The following CSNK1D variants were observed in gnomAD, a reference collection of about 807,000 sequenced individuals.
CSNK1D encodes casein kinase 1 delta.
Under a neutral mutation model 46.6 loss-of-function variants are expected in CSNK1D, and 16 were observed. The ratio of observed to expected loss-of-function variants is 0.34; its 90% CI spans 0.23 to 0.52. The LOEUF (loss-of-function observed/expected upper bound fraction) is 0.52, where lower values mean the gene tolerates loss of function less well. CSNK1D is among the 20% of genes least tolerant of loss of function. CSNK1D has a pLI of 0.95. For synonymous variants in CSNK1D, 276 were observed against 228.2 expected (o/e 1.21, Z -1.89); for missense variants, 398 against 578.4 (o/e 0.69, Z 3.20).
chr17:82,239,732 G>A (rs962570905), downstream of CSNK1D: 1 of 382,950 alleles, frequency 2.6e-6, no homozygotes, highest in Non-Finnish European at 4.6e-6. Flanking sequence ...AGCTGAGGTG[G>A]AACAAGCCAC....
chr17:82,255,029 CCGT>C lies in CSNK1D; in HGVS notation c.336+397_336+399del, dbSNP rs2051137552. On this transcript the variant is annotated intron_variant, in intron 3 of 8. Transcript: ENST00000314028. The surrounding 1 kb of genome is among the most constrained non-coding windows in gnomAD (Gnocchi z 5.9). ...AGCCTCGAGAAGCCAGTGAGCTGAG[CCGT>C]CGGAGCCTCGAGAAGCCAGTGAGCT... 2.8e-6 allele frequency: 1 copy of C among 354,192 alleles called. No homozygotes were observed. Among genetic ancestry groups the C allele is most frequent in the African/African-American group, 2.4e-5 (1 of 42,268 alleles). The allele number at this position is 354,192 out of a possible 1,614,324, so 21.9% of individuals were successfully genotyped here. A position where few individuals can be genotyped will look rare whatever the true frequency, so the allele number is the denominator to read the frequency against.
Position 82,244,232 on chromosome 17 carries a change from TC to T in CSNK1D, c.*548del. 9.4e-7 allele frequency: 1 copy of T among 1,065,734 alleles called. No individual in the cohort carries two copies. The highest frequency in any genetic ancestry group is 2.9e-5 in the South Asian group (1 of 34,764). The allele number at this position is 1,065,734 out of a possible 1,614,324, so 66.0% of individuals were successfully genotyped here. A position where few individuals can be genotyped will look rare whatever the true frequency, so the allele number is the denominator to read the frequency against. On this transcript the variant is annotated 3_prime_UTR_variant, in exon 9 of 9. Coordinates refer to ENST00000314028, the MANE Select transcript of CSNK1D (RefSeq NM_001893.6). ...ACAAACACAGCACACACCCTTGAGA[TC>T]CACCTGCACCTTCTCCCTGCCCGAC...
intron 2 of CSNK1D, among the ~76,000 whole-genome samples, chr17:82,261,770 CAT>C (rs1286843523): frequency 1.3e-5 from 2 of 152,164 alleles, no homozygotes; most frequent in East Asian, 3.8e-4. Context: ...CGATACCGTA[CAT>C]GTTACATACA....
At chr17:82,257,134 G>T (rs944559885) in intron 2 of CSNK1D, among the ~76,000 whole-genome samples, 13 of 151,748 alleles carry the variant, frequency 8.6e-5, no homozygotes, top group African/African-American at 3.2e-4. Context: ...TCATTTTACT[G>T]GCCACATGTA....
In CSNK1D at chr17:82,248,645, G is replaced by T. The variant is rs1004149797; in HGVS notation, c.1197+230C>A. On this transcript the variant is annotated intron_variant, in intron 8 of 8. Transcript: ENST00000314028. The surrounding 1 kb of genome is among the most constrained non-coding windows in gnomAD (Gnocchi z 4.1). ...TGCTGGCCTCAGGGACCTGAGACCT[G>T]AGACTGGCCACCTGCAACCAGGAGA... The T allele has an allele frequency of 7.2e-7, 1 of 1,387,266 alleles. No homozygotes were observed. The highest frequency in any genetic ancestry group is 9.4e-7 in the Non-Finnish European group (1 of 1,068,792). The allele number at this position is 1,387,266 out of a possible 1,614,324, so 85.9% of individuals were successfully genotyped here. A position where few individuals can be genotyped will look rare whatever the true frequency, so the allele number is the denominator to read the frequency against.
chr17:82,247,569 G>C, intron 8 of CSNK1D: 1 of 985,488 alleles, frequency 1.0e-6, no homozygotes, highest in Non-Finnish European at 1.2e-6. Flanking sequence ...TGGTTCAGGG[G>C]CTACAGAGCC....
chr17:82,251,633 A>G lies in CSNK1D; in HGVS notation c.737-106T>C. ...CCTGCTGCTGCACACTCAAGGGGAGAAGGACAGATGCAAAACACCTGTCAG... is the reference window on the plus strand; with the variant it reads ...CCTGCTGCTGCACACTCAAGGGGAGGAGGACAGATGCAAAACACCTGTCAG... On this transcript the variant is annotated intron_variant, in intron 5 of 8. Transcript: ENST00000314028. This position sits in a 1 kb window ranked among gnomAD's most constrained non-coding sequence, Gnocchi z 4.5. 8.8e-7 allele frequency: 1 copy of G among 1,142,280 alleles called. No individual in the cohort carries two copies. The highest frequency in any genetic ancestry group is 1.3e-6 in the Non-Finnish European group (1 of 769,288). The allele number at this position is 1,142,280 out of a possible 1,614,324, so 70.8% of individuals were successfully genotyped here. A position where few individuals can be genotyped will look rare whatever the true frequency, so the allele number is the denominator to read the frequency against.
chr17:82,239,040 TTTTACAAAC>T, downstream of CSNK1D: 1 of 1,447,172 alleles, frequency 6.9e-7, no homozygotes, highest in Non-Finnish European at 9.2e-7. Flanking sequence ...TTGCTATTTA[TTTTACAAAC>T]TGGACTGGCT....
At chr17:82,272,683 G>A (rs1263261433) in intron 1 of CSNK1D, among the ~76,000 whole-genome samples, 7 of 152,144 alleles carry the variant, frequency 4.6e-5, no homozygotes, top group African/African-American at 1.4e-4. Flanking sequence ...ACTCCTAGCC[G>A]GGCCACTCCC....
Position 82,252,608 on chromosome 17 carries a change from A to T in CSNK1D, c.566-4T>A. ...AAGTCATCTCTTCGGGATTGTTCTG[A>T]AAAGAAAAGGGAAAGGCGTGAAGAA... On this transcript the variant is annotated splice_polypyrimidine_tract_variant and splice_region_variant and intron_variant, in intron 4 of 8. Coordinates refer to ENST00000314028, the MANE Select transcript of CSNK1D (RefSeq NM_001893.6). This position sits in a 1 kb window ranked among gnomAD's most constrained non-coding sequence, Gnocchi z 4.6. 6.2e-7 allele frequency: 1 copy of T among 1,613,492 alleles called. No individual in the cohort carries two copies. The highest frequency in any genetic ancestry group is 8.5e-7 in the Non-Finnish European group (1 of 1,179,946).
At chr17:82,268,785 C>G (rs1028305240) in intron 1 of CSNK1D, among the ~76,000 whole-genome samples, 1 of 152,082 alleles carries the variant, frequency 6.6e-6, no homozygotes, top group African/African-American at 2.4e-5. Flanking sequence ...TTACGTCCCT[C>G]AAGTTCAGCA....
At chr17:82,256,510 C>CAA (rs766836720) in intron 2 of CSNK1D, among the ~76,000 whole-genome samples, 56 of 79,630 alleles carry the variant, frequency 7.0e-4, no homozygotes, top group Middle Eastern at 8.9e-3. Flanking sequence ...AAGACCCTGT[C>CAA]AAAAAAAAAA....
rs2147239429 is a variant in CSNK1D at position 82,273,524 on chromosome 17, T to C, written c.-143A>G. Reference sequence around the variant, plus strand: ...GGCCCCGCTTTCACCATCGCTTTCCTGTCGCCCCGCCGCTCCCAGCGCCTC... The same window carrying C: ...GGCCCCGCTTTCACCATCGCTTTCCCGTCGCCCCGCCGCTCCCAGCGCCTC... On this transcript the variant is annotated 5_prime_UTR_variant, in exon 1 of 9. Transcript: ENST00000314028. The surrounding 1 kb of genome is among the most constrained non-coding windows in gnomAD (Gnocchi z 5.1). The C allele has an allele frequency of 2.0e-6, 2 of 1,007,532 alleles. No individual in the cohort carries two copies. The highest frequency in any genetic ancestry group is 2.9e-6 in the Non-Finnish European group (2 of 686,222). The allele number at this position is 1,007,532 out of a possible 1,614,324, so 62.4% of individuals were successfully genotyped here.
At chr17:82,246,268 C>G in intron 8 of CSNK1D, 1 of 1,446,270 alleles carries the variant, frequency 6.9e-7, no homozygotes, top group Non-Finnish European at 9.1e-7. Flanking sequence ...TTAAGGCCAA[C>G]AATGGCATGG....
chr17:82,265,698 T>A lies in CSNK1D; in HGVS notation c.175A>T (p.Met59Leu), dbSNP rs752166349. ...LHIESKIYKM[M>L]QGGVGIPTIR... ...GGTAAAGACCTACCTCCTCCCTGCA[T>A]CATCTTGTAGATTTTGCTCTCAATG... The change falls in exon 2 of 9, where the codon ATG becomes TTG. Residue 59 changes from methionine to leucine, a missense_variant. Transcript: ENST00000314028. 37 of 1,613,836 alleles carry A rather than the reference T, an allele frequency of 2.3e-5. 1 individual carries two copies. Among genetic ancestry groups the A allele is most frequent in the Non-Finnish European group, 3.0e-5 (35 of 1,179,688 alleles).
At position 82,244,426 on chromosome 17, in the gene CSNK1D, T is replaced by C. The variant is rs1399548164; in HGVS notation, c.*355A>G. 19 of 1,250,140 alleles carry C rather than the reference T, an allele frequency of 1.5e-5. No individual in the cohort carries two copies. The highest frequency in any genetic ancestry group is 3.9e-5 in the East Asian group (1 of 25,376). The allele number at this position is 1,250,140 out of a possible 1,614,324, so 77.4% of individuals were successfully genotyped here. On this transcript the variant is annotated 3_prime_UTR_variant, in exon 9 of 9. Transcript: ENST00000314028. Reference sequence around the variant, plus strand: ...ATGATACAAAACTGTCTTAACCAAGTAGAAGATTGGTAGTTACAGTGGAAT... The same window carrying C: ...ATGATACAAAACTGTCTTAACCAAGCAGAAGATTGGTAGTTACAGTGGAAT...
At chr17:82,265,855 A>T (rs1407999297) in intron 1 of CSNK1D, 59 bp from the exon 2 acceptor site, 11 of 1,331,564 alleles carry the variant, frequency 8.3e-6, no homozygotes, top group Non-Finnish European at 1.2e-5. Context: ...ATAACCCAAC[A>T]TGCTGGAGAA....
In CSNK1D at chr17:82,257,852, C is replaced by T. The variant is rs543903954; in HGVS notation, c.188-2275G>A. Among the ~76,000 whole-genome samples the T allele has an allele frequency of 3.9e-5, 6 of 152,262 alleles. No individual in the cohort carries two copies. In the East Asian group the frequency reaches 7.7e-4, roughly 20 times the overall value. On this transcript the variant is annotated intron_variant, in intron 2 of 8. Transcript: ENST00000314028. ...GAGTAAGAGGTTAACTGAACAGACCCGGATGTTCACATCAGCAGGGAAAGC... is the reference window on the plus strand; with the variant it reads ...GAGTAAGAGGTTAACTGAACAGACCTGGATGTTCACATCAGCAGGGAAAGC...
At chr17:82,263,790 C>T (rs373251335) in intron 2 of CSNK1D, among the ~76,000 whole-genome samples, 20 of 152,366 alleles carry the variant, frequency 1.3e-4, no homozygotes, top group Admixed American at 4.6e-4. Context: ...GGCCACACCC[C>T]GCACCACCCT....
Sources: gnomAD v4.1 joint callset for allele counts (sites outside exome capture counted in the v4.1 genomes callset) on GRCh38, gnomAD v4.1.1 for gene constraint, Gnocchi (gnomAD v3.1) non-coding constraint, MANE v1.5 for transcripts, NCBI Gene and HGNC (gene_info 2026-07-23, HGNC 2026-07-21) for gene names.